Variants in FRMD3 observed in about 807,000 individuals in gnomAD.
FRMD3 encodes FERM domain containing 3, also known as FERM domain-containing protein 3.
Under a neutral mutation model 70.2 loss-of-function variants are expected in FRMD3, and 33 were observed. The ratio of observed to expected loss-of-function variants is 0.47; its 90% CI spans 0.36 to 0.63. FRMD3 has a LOEUF of 0.63. FRMD3 is among the 20% of genes least tolerant of loss of function. The probability of loss-of-function intolerance (pLI) is 0.00; values close to 1 mark genes in which losing one functional copy is unlikely to be tolerated. For synonymous variants in FRMD3, 279 were observed against 255.9 expected (o/e 1.09, Z -0.86); for missense variants, 632 against 711.4 (o/e 0.89, Z 1.27).
At chr9:83,466,545 G>A (rs539446002) in intron 1 of FRMD3, among the ~76,000 whole-genome samples, 2 of 152,110 alleles carry the variant, frequency 1.3e-5, no homozygotes, top group Non-Finnish European at 2.9e-5. Context: ...AACGCCATGT[G>A]CTGAGCGTTT....
chr9:83,449,117 G>A (rs1363052845), intron 1 of FRMD3, among the ~76,000 whole-genome samples: 1 of 152,176 alleles, frequency 6.6e-6, no homozygotes, highest in African/African-American at 2.4e-5. Flanking sequence ...AGGGGCCAGG[G>A]ATGATATTCA....
chr9:83,480,379 A>C (rs993627740), intron 1 of FRMD3, among the ~76,000 whole-genome samples: 2 of 152,172 alleles, frequency 1.3e-5, no homozygotes, highest in African/African-American at 4.8e-5. Context: ...CTAATCAAAG[A>C]TATTCTGGAA....
intron 1 of FRMD3, among the ~76,000 whole-genome samples, chr9:83,450,211 G>GCACA (rs143569775): frequency 1.3e-5 from 2 of 150,476 alleles, no homozygotes; most frequent in East Asian, 2.0e-4. Flanking sequence ...ACCCGTGCGC[G>GCACA]CACACACACA....
chr9:83,261,559 T>C (rs1022355634), intron 13 of FRMD3, among the ~76,000 whole-genome samples: 30 of 152,186 alleles, frequency 2.0e-4, no homozygotes, highest in African/African-American at 6.5e-4. Context: ...GTCTCTTCAC[T>C]ACTTGTGAGG....
intron 13 of FRMD3, among the ~76,000 whole-genome samples, chr9:83,253,517 CTCA>C (rs1444499164): frequency 1.3e-5 from 2 of 152,144 alleles, no homozygotes; most frequent in South Asian, 2.1e-4. Context: ...TGAAAAAATG[CTCA>C]TCGTCACTGG....
At chr9:83,548,594 G>A in the FRMD3 span, among the ~76,000 whole-genome samples, 6 of 152,224 alleles carry the variant, frequency 3.9e-5, no homozygotes, top group East Asian at 1.2e-3. Flanking sequence ...AGATGAATAG[G>A]TGGAGTACAT....
At chr9:83,364,301 G>C (rs1020633617) in intron 3 of FRMD3, among the ~76,000 whole-genome samples, 6 of 152,222 alleles carry the variant, frequency 3.9e-5, no homozygotes, top group African/African-American at 1.4e-4. Flanking sequence ...GCTCACGCCT[G>C]TAATCCCAGC....
chr9:83,364,555 CAAA>C (rs1230377473), intron 3 of FRMD3, among the ~76,000 whole-genome samples: 2 of 121,992 alleles, frequency 1.6e-5, no homozygotes, highest in Non-Finnish European at 1.8e-5. Flanking sequence ...ACCCCATCTC[CAAA>C]AAAAAAAAAA....
At chr9:83,267,307 G>A in intron 13 of FRMD3, 1 of 1,439,882 alleles carries the variant, frequency 6.9e-7, no homozygotes, top group Non-Finnish European at 9.1e-7. Context: ...AGCATTGGGA[G>A]GGGAGGAGGG....
rs1834793458 is a variant in FRMD3, at chr9:83,299,047, A to C, written c.1001+65T>G. ...CCAAAGGCCACTTATTTGCAAGCAG[A>C]ATTTTGAAATTTAAGTGGCTGCCCA... is the stretch of plus-strand genomic sequence containing the variant. On this transcript the variant is annotated intron_variant, in intron 11 of 13. Coordinates refer to ENST00000304195, the MANE Select transcript of FRMD3 (RefSeq NM_174938.6). 6 of 1,240,602 alleles carry C rather than the reference A, an allele frequency of 4.8e-6. No individual in the cohort carries two copies. In the Admixed American group the frequency reaches 1.0e-4, roughly 21 times the overall value. 76.8% of individuals were successfully genotyped at this position (1,240,602 alleles called of 1,614,324 possible).
chr9:83,400,550 G>C (rs1825925573), intron 1 of FRMD3, among the ~76,000 whole-genome samples: 1 of 152,152 alleles, frequency 6.6e-6, no homozygotes, highest in Admixed American at 6.5e-5. Context: ...GATGTTTTGT[G>C]AAAAGGCAAA....
chr9:83,278,541 A>G (rs1212025385), intron 13 of FRMD3, among the ~76,000 whole-genome samples: 1 of 152,206 alleles, frequency 6.6e-6, no homozygotes, highest in Non-Finnish European at 1.5e-5. Flanking sequence ...ACAATTCAAT[A>G]TCTTATGACC....
chr9:83,415,592 A>G (rs7027592), intron 1 of FRMD3, among the ~76,000 whole-genome samples: 84,096 of 146,602 alleles, frequency 0.57, 25,102 homozygotes, highest in African/African-American at 0.77. Context: ...ACAGGTGCCC[A>G]CCACCACGAC....
At chr9:83,531,939 T>G (rs1050182646) in intron 1 of FRMD3, among the ~76,000 whole-genome samples, 13 of 152,170 alleles carry the variant, frequency 8.5e-5, no homozygotes, top group Admixed American at 3.3e-4. Flanking sequence ...TCTTGCACCA[T>G]CAGAAAGTGA....
At chr9:83,263,530 G>T (rs1172053715) in intron 13 of FRMD3, among the ~76,000 whole-genome samples, 1 of 152,130 alleles carries the variant, frequency 6.6e-6, no homozygotes, top group Non-Finnish European at 1.5e-5. Context: ...ACCAAAGTCA[G>T]GAACATTACA....
intron 1 of FRMD3, among the ~76,000 whole-genome samples, chr9:83,459,140 G>A (rs555496060): frequency 1.3e-5 from 2 of 152,298 alleles, no homozygotes; most frequent in East Asian, 3.9e-4. Context: ...CAAGAGGCAG[G>A]AAGAGGAAAA....
At chr9:83,523,153 AGGATGGATGGATGGATGGAT>A (rs144992070) in intron 1 of FRMD3, among the ~76,000 whole-genome samples, 1 of 149,584 alleles carries the variant, frequency 6.7e-6, no homozygotes, top group South Asian at 2.1e-4. Flanking sequence ...GAATGGATGG[AGGATGGATGGATGGATGGAT>A]GGATGGATGG....
At chr9:83,386,530 T>C (rs1825515638) in intron 2 of FRMD3, among the ~76,000 whole-genome samples, 1 of 152,220 alleles carries the variant, frequency 6.6e-6, no homozygotes, top group Non-Finnish European at 1.5e-5. Context: ...AAAATTTTAA[T>C]AATTTTAGAC....
chr9:83,316,283 G>A (rs545588939), intron 6 of FRMD3, among the ~76,000 whole-genome samples: 13 of 150,258 alleles, frequency 8.7e-5, no homozygotes, highest in South Asian at 2.1e-4. Context: ...CTCAACCTCC[G>A]GAGTAGCTGG....
Sources: gnomAD v4.1 joint callset for allele counts (sites outside exome capture counted in the v4.1 genomes callset) on GRCh38, gnomAD v4.1.1 for gene constraint, MANE v1.5 for transcripts, NCBI Gene and HGNC (gene_info 2026-07-23, HGNC 2026-07-21) for gene names.